The following ARHGAP39 variants were observed in gnomAD, a reference collection of about 807,000 sequenced individuals.
ARHGAP39 encodes the protein Rho GTPase activating protein 39.
In ARHGAP39, 44 loss-of-function variants were observed where a neutral mutation model predicts 106.9. The ratio of observed to expected loss-of-function variants is 0.41; its 90% CI spans 0.32 to 0.53. The LOEUF is 0.53. Ranked by LOEUF, ARHGAP39 falls within the 20% of genes least tolerant of loss-of-function variation. The pLI is 0.21. For synonymous variants in ARHGAP39, 768 were observed against 693.2 expected (o/e 1.11, Z -1.69); for missense variants, 1,496 against 1,577.3 (o/e 0.95, Z 0.87).
chr8:144,603,348 C>T (rs1395098325), intron 2 of ARHGAP39, among the ~76,000 whole-genome samples: 2 of 151,672 alleles, frequency 1.3e-5, no homozygotes. Context: ...GGCATGTGTG[C>T]ACGCTCGTGA....
chr8:144,637,264 T>G (rs1033902483), intron 1 of ARHGAP39, among the ~76,000 whole-genome samples: 1 of 152,264 alleles, frequency 6.6e-6, no homozygotes, highest in Admixed American at 6.5e-5. Context: ...ATTCTCAACT[T>G]TATCTTGCAA....
At chr8:144,598,583 G>A (rs926739990) in intron 2 of ARHGAP39, among the ~76,000 whole-genome samples, 15 of 152,186 alleles carry the variant, frequency 9.9e-5, no homozygotes, top group Non-Finnish European at 1.9e-4. Context: ...CAAATGGCAC[G>A]GGGACAGCCG....
At chr8:144,692,113 C>T in the ARHGAP39 span, among the ~76,000 whole-genome samples, 1 of 152,104 alleles carries the variant, frequency 6.6e-6, no homozygotes, top group African/African-American at 2.4e-5. Context: ...AAAGGGCTGG[C>T]ACTGTTCTCT....
In ARHGAP39 at chr8:144,534,118, C is replaced by A. The variant is rs750067118; in HGVS notation, c.2688+11G>T. ...CGCCTGCCCTCCCCGGCCCCCCAGG[C>A]GCACCCGTACCTTCTTGGCCCCGGT... is the stretch of plus-strand genomic sequence containing the variant. On this transcript the variant is annotated intron_variant, in intron 8 of 11. Transcript: ENST00000377307. 1.2e-6 allele frequency: 2 copies of A among 1,612,336 alleles called. No individual in the cohort carries two copies. Among genetic ancestry groups the A allele is most frequent in the East Asian group, 2.2e-5 (1 of 44,860 alleles).
At position 144,574,453 on chromosome 8, in the gene ARHGAP39, C is replaced by G. The variant is rs199612814; in HGVS notation, c.512+6393G>C. Among the ~76,000 whole-genome samples the G allele has an allele frequency of 2.2e-3, 338 of 152,140 alleles. 1 individual carries two copies. The highest frequency in any genetic ancestry group is 7.6e-3 in the African/African-American group (316 of 41,522). ...TGGGAGGCCGAGGCGGGCAGATCAC[C>G]AGGTCAGCAGATCGAGACCATCCTG... On this transcript the variant is annotated intron_variant, in intron 3 of 11. Coordinates refer to ENST00000377307, the MANE Select transcript of ARHGAP39 (RefSeq NM_025251.3).
chr8:144,544,971 C>G (rs1474203433), intron 6 of ARHGAP39, among the ~76,000 whole-genome samples: 1 of 152,264 alleles, frequency 6.6e-6, no homozygotes, highest in African/African-American at 2.4e-5. Flanking sequence ...CGGGACTGGC[C>G]ATGGTGGGCT....
chr8:144,669,506 C>A (rs1435222632), intron 1 of ARHGAP39, among the ~76,000 whole-genome samples: 32 of 59,718 alleles, frequency 5.4e-4, no homozygotes, highest in Non-Finnish European at 6.9e-4. Flanking sequence ...GACTCGGTCT[C>A]AAAAAAAAAA....
At chr8:144,639,337 A>T (rs1563719355) in intron 1 of ARHGAP39, among the ~76,000 whole-genome samples, 1 of 151,388 alleles carries the variant, frequency 6.6e-6, no homozygotes, top group Non-Finnish European at 1.5e-5. Context: ...AAAAAAAAAA[A>T]AAAAGAAAGA....
chr8:144,556,619 A>C (rs903623317), intron 3 of ARHGAP39, among the ~76,000 whole-genome samples: 133 of 150,746 alleles, frequency 8.8e-4, no homozygotes, highest in African/African-American at 3.1e-3. Flanking sequence ...GAACCTTCAT[A>C]GTATTCAGAG....
intron 6 of ARHGAP39, chr8:144,543,895 T>G (rs1325084654): frequency 6.6e-6 from 1 of 152,282 alleles, no homozygotes; most frequent in Non-Finnish European, 1.5e-5. Context: ...GTACCCACTG[T>G]GGGCTGCATG....
chr8:144,579,736 C>T (rs144470278), intron 3 of ARHGAP39, among the ~76,000 whole-genome samples: 17 of 152,292 alleles, frequency 1.1e-4, no homozygotes, highest in Non-Finnish European at 1.3e-4. Context: ...CTCAGATGAG[C>T]CCGGCAGTCC....
chr8:144,548,130 T>C lies in ARHGAP39; in HGVS notation c.956A>G (p.Glu319Gly), dbSNP rs2130845648. 1 of 1,574,692 alleles carries C rather than the reference T, an allele frequency of 6.4e-7. No individual in the cohort carries two copies. The highest frequency in any genetic ancestry group is 1.4e-5 in the African/African-American group (1 of 73,486). ...EPPLYEEPPV[E>G]YQAPIYDEPP... is the part of the protein sequence containing the mutation. The stretch of plus-strand genomic sequence containing the variant: ...CTCATCGTAGATGGGGGCCTGGTAC[T>C]CCACTGGGGGCTCCTCGTAGAGCGG... Residue 319 changes from glutamate to glycine, a missense_variant, in exon 5 of 12, where the codon GAG becomes GGG. Physicochemically the swap from Glu to Gly is moderately conservative, Grantham distance 98. Coordinates refer to ENST00000377307, the MANE Select transcript of ARHGAP39 (RefSeq NM_025251.3). This position sits in a 1 kb window ranked among gnomAD's most constrained non-coding sequence, Gnocchi z 7.4.
rs61732747 is a variant in ARHGAP39 at position 144,548,252 on chromosome 8, C to T, written c.834G>A (p.Arg278=). 2.4e-4 allele frequency: 394 copies of T among 1,608,650 alleles called. No individual in the cohort carries two copies. Among genetic ancestry groups the T allele is most frequent in the Middle Eastern group, 2.1e-3 (13 of 6,048 alleles). ...GGGAGCTGCTCCCTGGGAGCTCGGC[C>T]CTCTTCAGGAAGGGTGACGGCCTCC... ...PERRPSPFLK[R]AELPGSSSPL... The change falls in exon 5 of 12, where the codon AGG becomes AGA. Residue 278 remains arginine, a synonymous_variant. Transcript: ENST00000377307. The surrounding 1 kb of genome is among the most constrained non-coding windows in gnomAD (Gnocchi z 7.4).
chr8:144,661,441 C>T (rs1196083987), intron 1 of ARHGAP39, among the ~76,000 whole-genome samples: 7 of 152,276 alleles, frequency 4.6e-5, no homozygotes, highest in Admixed American at 1.3e-4. Flanking sequence ...CTCTTGGGCC[C>T]ATGCTTACCT....
At chr8:144,688,566 G>C (rs1311708474), upstream of ARHGAP39, among the ~76,000 whole-genome samples, 2 of 152,116 alleles carry the variant, frequency 1.3e-5, no homozygotes, top group Admixed American at 1.3e-4. Flanking sequence ...GGCTGCATAA[G>C]GCAACCCCGT....
chr8:144,545,688 G>A lies in ARHGAP39; in HGVS notation c.2082C>T (p.Ile694=), dbSNP rs139243141. Residue 694 remains isoleucine, a synonymous_variant, in exon 6 of 12, where the codon ATC becomes ATT. Coordinates refer to ENST00000377307, the MANE Select transcript of ARHGAP39 (RefSeq NM_025251.3). ...TGAAGTGCTTGGAGGCCCAGTTCTC[G>A]ATGTCCGTCTCCGAGGAGGGCTTGC... ...TLRKPSSETD[I]ENWASKHFNK... 52 of 1,613,234 alleles carry A rather than the reference G, an allele frequency of 3.2e-5. No homozygotes were observed. The African/African-American group carries it at 3.5e-4, about 11-fold the overall frequency.
chr8:144,546,743 G>A (rs2130841310), intron 5 of ARHGAP39, among the ~76,000 whole-genome samples: 1 of 152,246 alleles, frequency 6.6e-6, no homozygotes, highest in Admixed American at 6.5e-5. Flanking sequence ...GAACCACCAG[G>A]GAACCCCCGA....
intron 6 of ARHGAP39, 27 bp from the exon 7 acceptor site, chr8:144,537,840 CGACA>C: frequency 6.2e-7 from 1 of 1,607,848 alleles, no homozygotes; most frequent in South Asian, 1.1e-5. Flanking sequence ...ACCATCAGCA[CGACA>C]GAACAAAACG....
At chr8:144,597,829 T>C (rs138160636) in intron 2 of ARHGAP39, among the ~76,000 whole-genome samples, 4,076 of 152,200 alleles carry the variant, frequency 0.027, 96 homozygotes, top group Admixed American at 0.066. Context: ...CCACCAGCAC[T>C]GACACAAAGG....
Sources: gnomAD v4.1 joint callset for allele counts (sites outside exome capture counted in the v4.1 genomes callset) on GRCh38, gnomAD v4.1.1 for gene constraint, Gnocchi (gnomAD v3.1) non-coding constraint, MANE v1.5 for transcripts, NCBI Gene and HGNC (gene_info 2026-07-23, HGNC 2026-07-21) for gene names.